MRPL13: variants seen among roughly 807,000 people sequenced by gnomAD.
MRPL13 encodes the protein mitochondrial ribosomal protein L13, also known as large ribosomal subunit protein uL13m.
In MRPL13, 33 loss-of-function variants were observed where a neutral mutation model predicts 29.0. That is an observed-to-expected ratio of 1.14 (90% CI 0.86 to 1.52). MRPL13 has a LOEUF of 1.52. MRPL13 is among the 40% of genes most tolerant of loss of function. The probability of loss-of-function intolerance (pLI) is 0.00; values close to 1 mark genes in which losing one functional copy is unlikely to be tolerated. For synonymous variants in MRPL13, 77 were observed against 68.4 expected, an observed-to-expected ratio of 1.13 and a Z score of -0.62; for missense variants, 227 against 216.7, an observed-to-expected ratio of 1.05 and a Z score of -0.30.
intron 6 of MRPL13, among the ~76,000 whole-genome samples, chr8:120,406,098 C>G (rs958721944): frequency 1.3e-5 from 2 of 152,004 alleles, no homozygotes; most frequent in Non-Finnish European, 1.5e-5. Flanking sequence ...CTAAAATAAT[C>G]ACAGGAAATC....
At chr8:120,400,204 AT>A (rs1403337235) in intron 6 of MRPL13, among the ~76,000 whole-genome samples, 2 of 152,224 alleles carry the variant, frequency 1.3e-5, no homozygotes. Context: ...GCCACATGGC[AT>A]TTACTCTAAA....
intron 3 of MRPL13, among the ~76,000 whole-genome samples, chr8:120,428,126 T>TAAAAAA (rs144856034): frequency 1.8e-5 from 2 of 110,390 alleles, no homozygotes; most frequent in African/African-American, 6.7e-5. Context: ...ATGGTACTGA[T>TAAAAAA]AAAAAAAAAA....
chr8:120,416,478 A>G (rs908551965), intron 5 of MRPL13, among the ~76,000 whole-genome samples: 1 of 152,232 alleles, frequency 6.6e-6, no homozygotes, highest in Non-Finnish European at 1.5e-5. Flanking sequence ...TGGGTGACAG[A>G]GCGAGACTCC....
intron 2 of MRPL13, among the ~76,000 whole-genome samples, chr8:120,439,816 A>T (rs61203971): frequency 0.077 from 11,728 of 152,246 alleles, 656 homozygotes; most frequent in East Asian, 0.19. Context: ...CAAGTATAAG[A>T]AATTACAGAA....
intron 3 of MRPL13, among the ~76,000 whole-genome samples, chr8:120,428,559 C>A (rs1030193979): frequency 6.6e-6 from 1 of 152,122 alleles, no homozygotes; most frequent in Non-Finnish European, 1.5e-5. Context: ...CAGACACCTA[C>A]AGAATGGGAG....
chr8:120,424,286 A>C (rs939343733), intron 4 of MRPL13, among the ~76,000 whole-genome samples: 37 of 152,110 alleles, frequency 2.4e-4, no homozygotes, highest in Admixed American at 3.3e-4. Context: ...TCTAACACTA[A>C]ACCTTCAAAA....
chr8:120,405,308 C>T (rs914781672), intron 6 of MRPL13, among the ~76,000 whole-genome samples: 3 of 152,154 alleles, frequency 2.0e-5, no homozygotes, highest in African/African-American at 7.2e-5. Flanking sequence ...TTCCTTTCCA[C>T]TAAAACAACG....
At chr8:120,401,219 A>G (rs1262866003) in intron 6 of MRPL13, among the ~76,000 whole-genome samples, 1 of 152,228 alleles carries the variant, frequency 6.6e-6, no homozygotes. Context: ...CTTCAGGCCA[A>G]TATGCCTGAT....
At chr8:120,397,393 C>G (rs1812537025) in intron 6 of MRPL13, among the ~76,000 whole-genome samples, 2 of 152,316 alleles carry the variant, frequency 1.3e-5, no homozygotes, top group South Asian at 4.1e-4. Context: ...ACTTCCATGG[C>G]ATCTCACAAG....
chr8:120,414,851 C>T (rs4989812), intron 5 of MRPL13: 144,961 of 152,234 alleles, frequency 0.95, 69,030 homozygotes, highest in East Asian at 1. Flanking sequence ...TTTCCCCCTA[C>T]TATGTATCCA....
At chr8:120,398,857 A>G (rs1812553398) in intron 6 of MRPL13, among the ~76,000 whole-genome samples, 1 of 152,160 alleles carries the variant, frequency 6.6e-6, no homozygotes, top group Admixed American at 6.5e-5. Flanking sequence ...ACATAATGCA[A>G]TCACAAGTAT....
intron 3 of MRPL13, among the ~76,000 whole-genome samples, chr8:120,430,548 C>G (rs190163444): frequency 1.1e-4 from 16 of 152,188 alleles, no homozygotes; most frequent in African/African-American, 3.6e-4. Flanking sequence ...ACTCTTTGAG[C>G]GATGAGGAAA....
intron 3 of MRPL13, 121 bp downstream of exon 3, chr8:120,431,909 G>T (rs1563776453): frequency 1.5e-6 from 1 of 665,504 alleles, no homozygotes; most frequent in Non-Finnish European, 2.3e-6. Context: ...CATGGCATGA[G>T]TAAAATTAGT....
At chr8:120,411,773 T>G (rs1812741734) in intron 6 of MRPL13, among the ~76,000 whole-genome samples, 5 of 152,128 alleles carry the variant, frequency 3.3e-5, no homozygotes, top group African/African-American at 9.7e-5. Context: ...GAAAATCTAT[T>G]CCCAGAGTAG....
chr8:120,439,658 G>A (rs1272254894), intron 2 of MRPL13, among the ~76,000 whole-genome samples: 1 of 152,090 alleles, frequency 6.6e-6, no homozygotes, highest in Admixed American at 6.6e-5. Flanking sequence ...ATCTATTATG[G>A]GCCAGACATT....
intron 6 of MRPL13, among the ~76,000 whole-genome samples, chr8:120,401,558 G>A (rs571082806): frequency 4.6e-5 from 7 of 152,192 alleles, no homozygotes; most frequent in East Asian, 3.9e-4. Context: ...ACTGAATGGC[G>A]AAAAGCTGGA....
intron 6 of MRPL13, among the ~76,000 whole-genome samples, chr8:120,401,331 T>C (rs1812594712): frequency 6.6e-6 from 1 of 152,232 alleles, no homozygotes; most frequent in African/African-American, 2.4e-5. Context: ...ATCCCCAGGA[T>C]GCAAGGTTGG....
rs776183110 is a variant in MRPL13 at position 120,432,109 on chromosome 8, G to A, written c.166C>T (p.His56Tyr). ...TGTCTTGTGTTCATTATAACAACAT[G>A]ATCCCCACAGTCACCTACATTTTAA... ...VYHALSDCGDHVVIMNTRHIA... is the reference protein window; with the variant it reads ...VYHALSDCGDYVVIMNTRHIA... The change falls in exon 3 of 7, where the codon CAT becomes TAT. Residue 56 changes from histidine to tyrosine, a missense_variant. By Grantham distance (83) the His-to-Tyr change is moderately conservative. Coordinates refer to ENST00000306185, the MANE Select transcript of MRPL13 (RefSeq NM_014078.6). 6.3e-7 allele frequency: 1 copy of A among 1,593,478 alleles called. No homozygotes were observed. Among genetic ancestry groups the A allele is most frequent in the Non-Finnish European group, 8.5e-7 (1 of 1,171,736 alleles).
Position 120,405,578 on chromosome 8 carries a change from G to C in MRPL13, c.515+8413C>G, listed in dbSNP as rs531483027. 7.2e-5 allele frequency among the ~76,000 whole-genome samples: 11 copies of C among 152,304 alleles called. No homozygotes were observed. The South Asian group carries it at 1.7e-3, about 23-fold the overall frequency. ...TTTATAAGACAGAGGAGCACCTTCAGTAAGAAATTACTAATACTATCTAAC... is the reference window on the plus strand; with the variant it reads ...TTTATAAGACAGAGGAGCACCTTCACTAAGAAATTACTAATACTATCTAAC... On this transcript the variant is annotated intron_variant, in intron 6 of 6. Coordinates refer to ENST00000306185, the MANE Select transcript of MRPL13 (RefSeq NM_014078.6).
Sources: allele counts gnomAD v4.1 joint callset (sites outside exome capture counted in the v4.1 genomes callset), GRCh38; gene constraint gnomAD v4.1.1; transcripts MANE v1.5; gene names NCBI Gene and HGNC (gene_info 2026-07-23, HGNC 2026-07-21).